LPP: variants seen among roughly 807,000 people sequenced by gnomAD.
The protein encoded by LPP is lipoma-preferred partner.
A neutral mutation model predicts 60.4 loss-of-function variants in LPP; 38 were observed. That is an observed-to-expected ratio of 0.63 (90% CI 0.49 to 0.83). The LOEUF is 0.83. LPP is among the 40% of genes least tolerant of loss of function. The pLI, the probability that LPP is intolerant of heterozygous loss-of-function variation, is 0.00. For synonymous variants in LPP, 328 were observed against 290.8 expected (o/e 1.13, Z -1.30); for missense variants, 902 against 783.6 (o/e 1.15, Z -1.80).
intron 8 of LPP, among the ~76,000 whole-genome samples, chr3:188,731,305 C>G (rs1560126572): frequency 2.0e-5 from 3 of 150,868 alleles, no homozygotes; most frequent in African/African-American, 7.3e-5. Flanking sequence ...TTCACTCCAC[C>G]TTTTTTTTTG....
intron 9 of LPP, among the ~76,000 whole-genome samples, chr3:188,785,979 T>C (rs922053666): frequency 1.3e-5 from 2 of 152,140 alleles, no homozygotes; most frequent in Non-Finnish European, 2.9e-5. Context: ...CTCAAATAGG[T>C]ACCATGATGG....
chr3:188,456,652 G>A (rs1039703390), intron 4 of LPP, among the ~76,000 whole-genome samples: 2 of 152,190 alleles, frequency 1.3e-5, no homozygotes, highest in African/African-American at 2.4e-5. Flanking sequence ...TTTTGCCACT[G>A]ATGGCAGAGT....
chr3:188,540,444 A>G lies in LPP; in HGVS notation c.429+15657A>G, dbSNP rs191890657. ...TTAAAGACCAAGTTCATGTTGTTCA[A>G]GATAATGTGAACCCAAATTCATTGT... On this transcript the variant is annotated intron_variant, in intron 6 of 11. Transcript: ENST00000617246. Among the ~76,000 whole-genome samples, 890 of 152,312 alleles carry G rather than the reference A, an allele frequency of 5.8e-3. 41 individuals are homozygous for G. The highest frequency in any genetic ancestry group is 0.054 in the Admixed American group (820 of 15,282).
At chr3:188,656,199 GAAAA>G (rs67731158) in intron 7 of LPP, among the ~76,000 whole-genome samples, 35 of 134,886 alleles carry the variant, frequency 2.6e-4, no homozygotes, top group Middle Eastern at 3.7e-3. Context: ...TCTCCAAAAG[GAAAA>G]AAAAAAAAAA....
At chr3:188,439,094 G>A (rs1793109826) in intron 4 of LPP, among the ~76,000 whole-genome samples, 1 of 152,100 alleles carries the variant, frequency 6.6e-6, no homozygotes, top group Non-Finnish European at 1.5e-5. Flanking sequence ...AAATGTATTA[G>A]TTTGATTTAT....
At chr3:188,676,525 C>T (rs78179321) in intron 7 of LPP, among the ~76,000 whole-genome samples, 4,853 of 152,252 alleles carry the variant, frequency 0.032, 256 homozygotes, top group African/African-American at 0.11. Context: ...CAGTTTTCTT[C>T]GTTCTTTGTT....
chr3:188,259,502 C>T (rs1732822835), intron 2 of LPP, among the ~76,000 whole-genome samples: 1 of 152,222 alleles, frequency 6.6e-6, no homozygotes, highest in South Asian at 2.1e-4. Flanking sequence ...AGAACTTCCA[C>T]ACTGCATTGA....
chr3:188,753,060 A>C (rs1326251349), intron 8 of LPP, among the ~76,000 whole-genome samples: 1 of 152,176 alleles, frequency 6.6e-6, no homozygotes, highest in African/African-American at 2.4e-5. Flanking sequence ...TTATGATTGA[A>C]TTGTATACAT....
chr3:188,754,065 T>C (rs564887212), intron 8 of LPP, among the ~76,000 whole-genome samples: 1 of 152,328 alleles, frequency 6.6e-6, no homozygotes, highest in South Asian at 2.1e-4. Flanking sequence ...GAACTCAGTT[T>C]GATGTATGAT....
intron 9 of LPP, among the ~76,000 whole-genome samples, chr3:188,837,382 C>CATAAAAATA (rs1758736003): frequency 7.1e-6 from 1 of 140,394 alleles, no homozygotes; most frequent in African/African-American, 2.6e-5. Flanking sequence ...CCATCTCAAA[C>CATAAAAATA]ATAATAATAA....
chr3:188,429,682 G>A (rs1485657180), intron 4 of LPP, among the ~76,000 whole-genome samples: 2 of 152,222 alleles, frequency 1.3e-5, no homozygotes, highest in Non-Finnish European at 2.9e-5. Context: ...TCATAATAGA[G>A]ATATGTCCTT....
At chr3:188,430,906 T>A (rs1188092538) in intron 4 of LPP, among the ~76,000 whole-genome samples, 1 of 152,160 alleles carries the variant, frequency 6.6e-6, no homozygotes, top group Non-Finnish European at 1.5e-5. Context: ...ATTGAATTAT[T>A]ACATAATTAA....
chr3:188,355,113 A>T (rs532015907), intron 3 of LPP, among the ~76,000 whole-genome samples: 4 of 152,110 alleles, frequency 2.6e-5, no homozygotes, highest in African/African-American at 9.6e-5. Context: ...GGTTCAAGCG[A>T]TTCTCCTGCC....
intron 8 of LPP, among the ~76,000 whole-genome samples, chr3:188,715,342 C>T (rs1161017146): frequency 1.6e-5 from 2 of 125,650 alleles, no homozygotes; most frequent in Non-Finnish European, 3.1e-5. Flanking sequence ...CGTGCCACTG[C>T]ACTCCAGCCT....
At chr3:188,192,994 T>C (rs909140270) in intron 1 of LPP, among the ~76,000 whole-genome samples, 2 of 152,208 alleles carry the variant, frequency 1.3e-5, no homozygotes, top group African/African-American at 4.8e-5. Context: ...CTTGACTTTT[T>C]ACTCCTGTGA....
At chr3:188,206,015 C>T (rs572437534) in intron 1 of LPP, among the ~76,000 whole-genome samples, 1 of 152,324 alleles carries the variant, frequency 6.6e-6, no homozygotes, top group East Asian at 1.9e-4. Context: ...CTTTTGCTAA[C>T]ACTGAGAGGC....
chr3:188,278,849 A>G (rs1227395680), intron 2 of LPP, among the ~76,000 whole-genome samples: 2 of 152,142 alleles, frequency 1.3e-5, no homozygotes, highest in South Asian at 2.1e-4. Context: ...AGCCTAGCCC[A>G]CTTGAAAGCA....
chr3:188,407,770 TTTTTTTTTTGTTTGTTTG>T (rs1471075456), intron 4 of LPP, among the ~76,000 whole-genome samples: 9 of 36,922 alleles, frequency 2.4e-4, no homozygotes, highest in Admixed American at 5.8e-4. Context: ...CATTTATGGT[TTTTTTTTTTGTTTGTTTG>T]TTTTTTTTTT....
chr3:188,399,164 G>A (rs578209988), intron 3 of LPP, among the ~76,000 whole-genome samples: 7 of 152,284 alleles, frequency 4.6e-5, no homozygotes, highest in African/African-American at 1.4e-4. Flanking sequence ...TACACAGTGG[G>A]CTCATGGCGG....
Sources: gnomAD v4.1 joint callset for allele counts (sites outside exome capture counted in the v4.1 genomes callset) on GRCh38, gnomAD v4.1.1 for gene constraint, MANE v1.5 for transcripts, NCBI Gene and HGNC (gene_info 2026-07-23, HGNC 2026-07-21) for gene names.